The following ESR1 variants were observed in gnomAD, a reference collection of about 807,000 sequenced individuals.
ESR1 encodes estrogen receptor 1.
In ESR1, 12 loss-of-function variants were observed where a neutral mutation model predicts 52.7. The observed-to-expected ratio is 0.23, with a 90% CI of 0.15 to 0.37. The LOEUF (loss-of-function observed/expected upper bound fraction) is 0.37. Ranked by LOEUF, ESR1 falls within the 10% of genes least tolerant of loss-of-function variation. The pLI is 1.00. For synonymous variants in ESR1, 305 were observed against 316.8 expected, an observed-to-expected ratio of 0.96 and a Z score of 0.39; for missense variants, 584 against 779.7, an observed-to-expected ratio of 0.75 and a Z score of 2.99.
In ESR1 at chr6:152,070,471, A is replaced by G. The variant is rs774745189; in HGVS notation, c.1369+9347A>G. ...GAATTTTTCTTTCCCTGTAAGACAT[A>G]CTATGAATTGTTCAATGGGTATTCA... On this transcript the variant is annotated intron_variant, in intron 6 of 7. Coordinates refer to ENST00000206249, the MANE Select transcript of ESR1 (RefSeq NM_000125.4). 2.9e-5 allele frequency among the ~76,000 whole-genome samples: 4 copies of G among 138,420 alleles called. 1 individual carries two copies. Among genetic ancestry groups the G allele is most frequent in the Non-Finnish European group, 6.0e-5 (4 of 66,904 alleles). The allele number at this position is 138,420 out of a possible 152,430, so 90.8% of individuals were successfully genotyped here.
At chr6:151,923,520 G>A (rs2032106828) in intron 3 of ESR1, among the ~76,000 whole-genome samples, 1 of 151,948 alleles carries the variant, frequency 6.6e-6, no homozygotes, top group Non-Finnish European at 1.5e-5. Flanking sequence ...GACAACCCCT[G>A]GTCTGTTTAA....
chr6:152,006,954 A>G (rs542701451), intron 4 of ESR1, among the ~76,000 whole-genome samples: 30 of 152,164 alleles, frequency 2.0e-4, no homozygotes, highest in African/African-American at 6.7e-4. Flanking sequence ...GAATCTTCAT[A>G]GACTGTATCC....
At chr6:152,085,114 A>C (rs1205142981) in intron 6 of ESR1, among the ~76,000 whole-genome samples, 2 of 152,088 alleles carry the variant, frequency 1.3e-5, no homozygotes, top group African/African-American at 4.8e-5. Flanking sequence ...CCTCTTCTGG[A>C]TCGCTTTCCT....
At chr6:151,803,852 C>CA (rs1382724781), upstream of ESR1, among the ~76,000 whole-genome samples, 2 of 152,094 alleles carry the variant, frequency 1.3e-5, no homozygotes, top group East Asian at 3.9e-4. Flanking sequence ...GCTGGAGAGA[C>CA]AGTGATGCTG....
Position 151,659,090 on chromosome 6 carries a change from C to T in ESR1, n.73+2327C>T, listed in dbSNP as rs191085189. 5.8e-3 allele frequency among the ~76,000 whole-genome samples: 886 copies of T among 151,930 alleles called. 3 individuals are homozygous for T. The highest frequency in any genetic ancestry group is 0.02 in the African/African-American group (838 of 41,444). ...GTGCAGTAGTGTGATCTCGGCTCAC[C>T]GCAACCTCCGCCTCCTGGGTTCAAG... is the stretch of plus-strand genomic sequence containing the variant. On this transcript the variant is annotated intron_variant and non_coding_transcript_variant, in intron 1 of 2. Transcript: ENST00000473497.
At chr6:152,056,764 T>C (rs1019928593) in intron 5 of ESR1, among the ~76,000 whole-genome samples, 2 of 152,162 alleles carry the variant, frequency 1.3e-5, no homozygotes, top group African/African-American at 2.4e-5. Flanking sequence ...ATGGAGGAGT[T>C]CATCACTGCA....
chr6:151,805,119 G>A (rs1301776639), upstream of ESR1: 3 of 152,194 alleles, frequency 2.0e-5, no homozygotes, highest in African/African-American at 7.2e-5. Context: ...GGTTAACGAA[G>A]TGGAGGAGTA....
chr6:152,120,460 C>T (rs1017644099), intron 6 of ESR1, among the ~76,000 whole-genome samples: 28 of 152,082 alleles, frequency 1.8e-4, no homozygotes, highest in Non-Finnish European at 7.4e-5. Context: ...GGCGATCCAT[C>T]GTGTTCCCTG....
chr6:151,841,857 C>T (rs1369683480), intron 1 of ESR1, among the ~76,000 whole-genome samples: 1 of 152,076 alleles, frequency 6.6e-6, no homozygotes, highest in Non-Finnish European at 1.5e-5. Context: ...GGACTACAGT[C>T]ACACATCACC....
intron 1 of ESR1, among the ~76,000 whole-genome samples, chr6:151,691,670 G>C (rs980055227): frequency 1.3e-5 from 2 of 150,442 alleles, no homozygotes; most frequent in African/African-American, 4.9e-5. Context: ...AACTCATCTG[G>C]TTTTGAATGT....
intron 3 of ESR1, among the ~76,000 whole-genome samples, chr6:151,912,930 A>T (rs1052148367): frequency 2.6e-5 from 4 of 151,902 alleles, no homozygotes; most frequent in African/African-American, 9.7e-5. Flanking sequence ...GAGTTGGGGG[A>T]CTAGGGGAGG....
chr6:151,737,837 A>G (rs1445029885), intron 2 of ESR1, among the ~76,000 whole-genome samples: 1 of 152,238 alleles, frequency 6.6e-6, no homozygotes, highest in Non-Finnish European at 1.5e-5. Context: ...TAATCAAATA[A>G]TGATATTATT....
At position 152,061,140 on chromosome 6, in the gene ESR1, A is replaced by C; in HGVS notation, c.1369+16A>C. 6.2e-7 allele frequency: 1 copy of C among 1,611,670 alleles called. No homozygotes were observed. The highest frequency in any genetic ancestry group is 1.3e-5 in the African/African-American group (1 of 74,970). On this transcript the variant is annotated intron_variant, in intron 6 of 7. Transcript: ENST00000206249. The surrounding 1 kb of genome is among the most constrained non-coding windows in gnomAD (Gnocchi z 4.3). ...CTTAATTCTGGTGAGTTGATAACAC[A>C]AGATAACTCAATGCTGGATGAAATG... is the stretch of plus-strand genomic sequence containing the variant.
intron 6 of ESR1, among the ~76,000 whole-genome samples, chr6:152,108,316 C>G (rs1216475799): frequency 6.6e-6 from 1 of 152,210 alleles, no homozygotes; most frequent in Non-Finnish European, 1.5e-5. Flanking sequence ...GCTGACCAAA[C>G]TGGGGGAGGT....
At chr6:152,121,078 G>T (rs2051317592) in intron 6 of ESR1, among the ~76,000 whole-genome samples, 1 of 152,176 alleles carries the variant, frequency 6.6e-6, no homozygotes, top group South Asian at 2.1e-4. Flanking sequence ...GGGCACCAGA[G>T]CTGTCTACCA....
intron 3 of ESR1, among the ~76,000 whole-genome samples, chr6:151,928,556 T>A (rs1329693682): frequency 6.6e-6 from 1 of 152,130 alleles, no homozygotes; most frequent in Non-Finnish European, 1.5e-5. Context: ...CAAACCATCT[T>A]AAGTTGGGAA....
intron 6 of ESR1, among the ~76,000 whole-genome samples, chr6:152,074,633 T>C (rs1190603474): frequency 6.6e-6 from 1 of 152,226 alleles, no homozygotes; most frequent in East Asian, 1.9e-4. Flanking sequence ...TGCTGGATTG[T>C]ATAGTATGTT....
At chr6:151,733,403 T>C in intron 2 of ESR1, among the ~76,000 whole-genome samples, 1 of 152,198 alleles carries the variant, frequency 6.6e-6, no homozygotes. Flanking sequence ...TTTCTTGTGA[T>C]GAGGAACATA....
intron 1 of ESR1, chr6:151,690,668 G>A (rs1778870012): frequency 6.6e-6 from 1 of 152,016 alleles, no homozygotes; most frequent in African/African-American, 2.4e-5. Context: ...TCTTCAAGTA[G>A]GTACTCCTAT....
Sources: allele counts gnomAD v4.1 joint callset (sites outside exome capture counted in the v4.1 genomes callset), GRCh38; gene constraint gnomAD v4.1.1; non-coding constraint Gnocchi (gnomAD v3.1); transcripts MANE v1.5; gene names NCBI Gene and HGNC (gene_info 2026-07-23, HGNC 2026-07-21).